Variants in GPC6 observed in about 807,000 individuals in gnomAD.
GPC6 encodes the protein glypican-6.
GPC6 carries 14 observed loss-of-function variants against 55.2 expected under a neutral mutation model. That is an observed-to-expected ratio of 0.25 (90% CI 0.17 to 0.40). GPC6 has a LOEUF of 0.40. Among genes scored for constraint, GPC6 ranks in the 10% least tolerant of loss-of-function variants. GPC6 has a pLI of 1.00. For missense variants in GPC6, 641 were observed against 708.5 expected (o/e 0.90, Z 1.08); for synonymous variants, 278 against 259.6 (o/e 1.07, Z -0.68).
chr13:94,304,972 C>T lies in GPC6; in HGVS notation c.1009-1008C>T, dbSNP rs1244379913. ...ATTTTCATTACTCAAAGGGGAGTTACTGAAATTATTTGGCTTTATGTGCTA... is the reference window on the plus strand; with the variant it reads ...ATTTTCATTACTCAAAGGGGAGTTATTGAAATTATTTGGCTTTATGTGCTA... On this transcript the variant is annotated intron_variant, in intron 5 of 8. Transcript: ENST00000377047. Among the ~76,000 whole-genome samples, 3 of 152,290 alleles carry T rather than the reference C, an allele frequency of 2.0e-5. No individual in the cohort carries two copies. In the East Asian group the frequency reaches 5.8e-4, roughly 29 times the overall value.
At chr13:93,861,035 T>C (rs1418712465) in intron 3 of GPC6, among the ~76,000 whole-genome samples, 2 of 151,574 alleles carry the variant, frequency 1.3e-5, no homozygotes, top group African/African-American at 2.4e-5. Flanking sequence ...AGGGTTTTTA[T>C]GTATAAAATG....
At chr13:94,228,846 A>G (rs1890636789) in intron 4 of GPC6, among the ~76,000 whole-genome samples, 1 of 151,822 alleles carries the variant, frequency 6.6e-6, no homozygotes. Context: ...GAGATTTTTC[A>G]AAGTGCTGTT....
At chr13:93,413,083 G>A (rs561917817) in intron 1 of GPC6, among the ~76,000 whole-genome samples, 24 of 152,284 alleles carry the variant, frequency 1.6e-4, no homozygotes, top group African/African-American at 4.8e-4. Context: ...AAAAGAAAAT[G>A]TGATTATCAG....
intron 2 of GPC6, among the ~76,000 whole-genome samples, chr13:93,664,926 C>T (rs1356471704): frequency 6.6e-6 from 1 of 152,178 alleles, no homozygotes; most frequent in African/African-American, 2.4e-5. Flanking sequence ...TTTCAACTGT[C>T]ATATCAGCAA....
intron 4 of GPC6, among the ~76,000 whole-genome samples, chr13:94,147,447 C>T (rs1887603138): frequency 6.6e-6 from 1 of 152,162 alleles, no homozygotes; most frequent in Non-Finnish European, 1.5e-5. Context: ...CAAGTTATCT[C>T]AATGCTCTAA....
chr13:93,739,968 A>G (rs1334175642), intron 2 of GPC6, among the ~76,000 whole-genome samples: 1 of 152,162 alleles, frequency 6.6e-6, no homozygotes, highest in Non-Finnish European at 1.5e-5. Flanking sequence ...AAGGGTTTTC[A>G]TTGTATGGGG....
At chr13:93,490,516 T>G (rs1453424392) in intron 1 of GPC6, among the ~76,000 whole-genome samples, 2 of 95,918 alleles carry the variant, frequency 2.1e-5, no homozygotes, top group Non-Finnish European at 4.6e-5. Flanking sequence ...TTTTTTGAGT[T>G]TTTTTTTTTT....
At chr13:94,340,693 A>AT (rs1877989555) in intron 6 of GPC6, among the ~76,000 whole-genome samples, 1 of 152,256 alleles carries the variant, frequency 6.6e-6, no homozygotes, top group South Asian at 2.1e-4. Flanking sequence ...GAACCACTGT[A>AT]TAAGATTCTT....
intron 2 of GPC6, among the ~76,000 whole-genome samples, chr13:93,742,812 A>G (rs187083471): frequency 1.3e-5 from 2 of 152,350 alleles, no homozygotes; most frequent in Admixed American, 1.3e-4. Context: ...AGCTGGAAGT[A>G]TGGATGCAAA....
intron 2 of GPC6, among the ~76,000 whole-genome samples, chr13:93,612,543 A>ACACAC (rs1566449513): frequency 2.7e-5 from 4 of 148,650 alleles, no homozygotes; most frequent in South Asian, 2.1e-4. Context: ...ACACACACAC[A>ACACAC]AACTTCATGT....
At chr13:94,014,549 G>A (rs1022770137) in intron 3 of GPC6, among the ~76,000 whole-genome samples, 12 of 152,054 alleles carry the variant, frequency 7.9e-5, no homozygotes, top group African/African-American at 2.2e-4. Flanking sequence ...AAGTTCACCC[G>A]TTTGTAGAGG....
At chr13:93,638,350 A>G (rs1879781942) in intron 2 of GPC6, among the ~76,000 whole-genome samples, 1 of 152,130 alleles carries the variant, frequency 6.6e-6, no homozygotes, top group Admixed American at 6.6e-5. Flanking sequence ...AATGTTTCAA[A>G]GATATAGACA....
chr13:93,330,499 C>CCTGGG (rs1879806514), intron 1 of GPC6, among the ~76,000 whole-genome samples: 1 of 151,490 alleles, frequency 6.6e-6, no homozygotes, highest in Non-Finnish European at 1.5e-5. Flanking sequence ...TGTACTCCAG[C>CCTGGG]CTGGGTGCAG....
intron 1 of GPC6, among the ~76,000 whole-genome samples, chr13:93,442,321 G>A (rs1208318687): frequency 1.3e-5 from 2 of 152,136 alleles, no homozygotes; most frequent in African/African-American, 4.8e-5. Context: ...AATTGCTACT[G>A]CAGCCTCCTG....
chr13:94,152,363 T>G (rs1887771901), intron 4 of GPC6, among the ~76,000 whole-genome samples: 1 of 152,178 alleles, frequency 6.6e-6, no homozygotes, highest in South Asian at 2.1e-4. Context: ...GCTTGGGTGA[T>G]CTTGGGTAAT....
chr13:94,331,346 C>T (rs1257249003), intron 6 of GPC6, among the ~76,000 whole-genome samples: 1 of 152,106 alleles, frequency 6.6e-6, no homozygotes. Flanking sequence ...AATAATACTA[C>T]CTATCCTTTC....
At chr13:93,292,258 C>T (rs1878342590) in intron 1 of GPC6, among the ~76,000 whole-genome samples, 1 of 152,090 alleles carries the variant, frequency 6.6e-6, no homozygotes, top group African/African-American at 2.4e-5. Flanking sequence ...TAATGCAAGG[C>T]TTTCCAGTGA....
chr13:94,082,879 A>G (rs978618698), intron 4 of GPC6, among the ~76,000 whole-genome samples: 2 of 152,178 alleles, frequency 1.3e-5, no homozygotes, highest in African/African-American at 4.8e-5. Flanking sequence ...TAGTAATTCT[A>G]TGAATTCTGG....
chr13:93,900,772 A>T (rs958250672), intron 3 of GPC6, among the ~76,000 whole-genome samples: 2 of 152,206 alleles, frequency 1.3e-5, no homozygotes, highest in Admixed American at 6.5e-5. Context: ...ACAGAAAATA[A>T]TCATGAGCAA....
Sources: allele counts gnomAD v4.1 joint callset (sites outside exome capture counted in the v4.1 genomes callset), GRCh38; gene constraint gnomAD v4.1.1; transcripts MANE v1.5; gene names NCBI Gene and HGNC (gene_info 2026-07-23, HGNC 2026-07-21).